Variants in CSMD1 observed in about 807,000 individuals in gnomAD.
The protein encoded by CSMD1 is CUB and sushi domain-containing protein 1.
CSMD1 carries 213 observed loss-of-function variants against 417.5 expected under a neutral mutation model. The ratio of observed to expected loss-of-function variants is 0.51; its 90% CI spans 0.46 to 0.57. CSMD1 has a LOEUF of 0.57. Among genes scored for constraint, CSMD1 ranks in the 20% least tolerant of loss-of-function variants. The pLI is 0.00. For synonymous variants in CSMD1, 2,862 were observed against 1,736.8 expected, an observed-to-expected ratio of 1.65 and a Z score of -16.11; for missense variants, 6,923 against 4,529.7, an observed-to-expected ratio of 1.53 and a Z score of -15.17.
intron 26 of CSMD1, among the ~76,000 whole-genome samples, chr8:3,283,052 A>C (rs1802858396): frequency 6.6e-6 from 1 of 152,178 alleles, no homozygotes; most frequent in African/African-American, 2.4e-5. Context: ...CTTTCATCAA[A>C]AATGGGCTAG....
chr8:4,351,837 G>A (rs781731198), intron 3 of CSMD1, among the ~76,000 whole-genome samples: 7 of 152,136 alleles, frequency 4.6e-5, no homozygotes, highest in Admixed American at 3.3e-4. Flanking sequence ...CCAGGCCAAG[G>A]AGATGTCCAG....
intron 3 of CSMD1, among the ~76,000 whole-genome samples, chr8:4,335,916 T>C (rs1295364926): frequency 6.6e-6 from 1 of 151,968 alleles, no homozygotes; most frequent in Non-Finnish European, 1.5e-5. Flanking sequence ...TGATCAAAAA[T>C]AGTGAGGGAG....
chr8:3,754,774 T>C (rs1429353150), intron 5 of CSMD1, among the ~76,000 whole-genome samples: 1 of 152,126 alleles, frequency 6.6e-6, no homozygotes, highest in Non-Finnish European at 1.5e-5. Context: ...ACGAATTCTA[T>C]GTAACCTGAA....
At chr8:4,226,295 T>A (rs1446142145) in intron 3 of CSMD1, among the ~76,000 whole-genome samples, 1 of 152,196 alleles carries the variant, frequency 6.6e-6, no homozygotes, top group Non-Finnish European at 1.5e-5. Flanking sequence ...ATAAAATAGT[T>A]GTTGACATTC....
At chr8:3,583,842 T>G (rs1257606170) in intron 9 of CSMD1, among the ~76,000 whole-genome samples, 1 of 151,912 alleles carries the variant, frequency 6.6e-6, no homozygotes, top group Non-Finnish European at 1.5e-5. Flanking sequence ...GAAAGGATAC[T>G]TTTCAAGAAA....
chr8:4,037,682 G>C (rs985174666), intron 3 of CSMD1, among the ~76,000 whole-genome samples: 5 of 152,070 alleles, frequency 3.3e-5, no homozygotes, highest in Admixed American at 6.6e-5. Context: ...ATTTTAAAGG[G>C]GAAGGTGTGA....
At chr8:4,538,877 C>T (rs1380175958) in intron 2 of CSMD1, among the ~76,000 whole-genome samples, 4 of 152,158 alleles carry the variant, frequency 2.6e-5, no homozygotes, top group African/African-American at 7.2e-5. Context: ...ACAGTTCTTG[C>T]TTACCAAAGT....
intron 2 of CSMD1, among the ~76,000 whole-genome samples, chr8:4,441,992 T>C (rs952688831): frequency 1.3e-5 from 2 of 152,170 alleles, no homozygotes; most frequent in African/African-American, 4.8e-5. Context: ...TAATAAAAGG[T>C]AGACTTGCCC....
At chr8:3,873,689 TTAAAA>T (rs1289048679) in intron 5 of CSMD1, among the ~76,000 whole-genome samples, 2 of 152,132 alleles carry the variant, frequency 1.3e-5, no homozygotes, top group East Asian at 1.9e-4. Context: ...ATCCCTGAAC[TTAAAA>T]TAAAAGTTAA....
intron 10 of CSMD1, among the ~76,000 whole-genome samples, chr8:3,531,840 C>T (rs530682194): frequency 1.2e-4 from 18 of 152,256 alleles, no homozygotes; most frequent in South Asian, 4.2e-4. Context: ...CAGAGAGAAA[C>T]GGCTACGTGG....
At chr8:3,512,634 C>G (rs1797125084) in intron 10 of CSMD1, among the ~76,000 whole-genome samples, 1 of 138,348 alleles carries the variant, frequency 7.2e-6, no homozygotes, top group African/African-American at 2.8e-5. Context: ...CAGAGTCTTG[C>G]TTTGTCGCCA....
chr8:3,626,054 G>A (rs1161794009), intron 7 of CSMD1, among the ~76,000 whole-genome samples: 2 of 152,164 alleles, frequency 1.3e-5, no homozygotes, highest in African/African-American at 2.4e-5. Flanking sequence ...TAATGGCACT[G>A]AACATTTTAT....
At chr8:3,077,156 A>T (rs1469340047) in intron 49 of CSMD1, among the ~76,000 whole-genome samples, 1 of 152,228 alleles carries the variant, frequency 6.6e-6, no homozygotes, top group Non-Finnish European at 1.5e-5. Context: ...CTGCCAAATC[A>T]GAATCGTGCA....
chr8:3,379,993 A>G (rs1440649314), intron 18 of CSMD1, among the ~76,000 whole-genome samples: 2 of 152,222 alleles, frequency 1.3e-5, no homozygotes, highest in South Asian at 2.1e-4. Flanking sequence ...CAATCTATCC[A>G]TCTGACAAAG....
chr8:4,335,893 G>A (rs762611237), intron 3 of CSMD1, among the ~76,000 whole-genome samples: 1 of 152,154 alleles, frequency 6.6e-6, no homozygotes, highest in South Asian at 2.1e-4. Flanking sequence ...AACCTCCAGG[G>A]CTTCCTGCAA....
chr8:3,647,173 A>G (rs1797618134), intron 7 of CSMD1, among the ~76,000 whole-genome samples: 2 of 152,244 alleles, frequency 1.3e-5, no homozygotes, highest in Middle Eastern at 3.4e-3. Flanking sequence ...GGTGCAACTC[A>G]AGTTCAAGAG....
intron 1 of CSMD1, among the ~76,000 whole-genome samples, chr8:4,718,645 AAATC>A (rs2116897665): frequency 6.6e-6 from 1 of 152,232 alleles, no homozygotes; most frequent in South Asian, 2.1e-4. Flanking sequence ...AAACCAAATA[AAATC>A]AATTTTTAAA....
chr8:4,451,367 A>T (rs535984071), intron 2 of CSMD1, among the ~76,000 whole-genome samples: 282 of 152,300 alleles, frequency 1.9e-3, no homozygotes, highest in African/African-American at 6.5e-3. Flanking sequence ...TAAGGCAATC[A>T]CAAGTGTTTA....
chr8:3,037,824 A>G (rs1012078873), intron 50 of CSMD1, among the ~76,000 whole-genome samples: 1 of 152,158 alleles, frequency 6.6e-6, no homozygotes, highest in Non-Finnish European at 1.5e-5. Flanking sequence ...GCTTTTTAGA[A>G]ACATTAGACA....
Sources: gnomAD v4.1 joint callset for allele counts (sites outside exome capture counted in the v4.1 genomes callset) on GRCh38, gnomAD v4.1.1 for gene constraint, MANE v1.5 for transcripts, NCBI Gene and HGNC (gene_info 2026-07-23, HGNC 2026-07-21) for gene names.